The following NXPE2 variants were observed in gnomAD, a reference collection of about 807,000 sequenced individuals.
NXPE2 encodes neurexophilin and PC-esterase domain family member 2.
A neutral mutation model predicts 34.4 loss-of-function variants in NXPE2; 34 were observed. The observed-to-expected ratio is 0.99, with a 90% CI of 0.75 to 1.31. The LOEUF is 1.31. Among genes scored for constraint, NXPE2 ranks in the 40% most tolerant of loss-of-function variants. The pLI is 0.00. For synonymous variants in NXPE2, 235 were observed against 231.3 expected, an observed-to-expected ratio of 1.02 and a Z score of -0.15; for missense variants, 649 against 672.5, an observed-to-expected ratio of 0.97 and a Z score of 0.39.
the NXPE2 span, among the ~76,000 whole-genome samples, chr11:114,746,309 G>A: frequency 1.6e-4 from 24 of 152,186 alleles, no homozygotes; most frequent in East Asian, 4.6e-3. Flanking sequence ...ATTTCTGTCA[G>A]CTGAGCCAGG....
the NXPE2 span, among the ~76,000 whole-genome samples, chr11:114,808,298 G>A: frequency 1.6e-4 from 25 of 151,698 alleles, no homozygotes; most frequent in African/African-American, 5.3e-4. Context: ...AAAAGCAAGA[G>A]CAAACACATT....
the NXPE2 span, chr11:114,584,503 A>T: frequency 5.5e-6 from 1 of 181,338 alleles, no homozygotes; most frequent in Non-Finnish European, 1.2e-5. Context: ...ATTACCTGTG[A>T]GGAAGAGTTC....
the NXPE2 span, among the ~76,000 whole-genome samples, chr11:114,722,710 A>C: frequency 6.6e-6 from 1 of 152,194 alleles, no homozygotes; most frequent in Non-Finnish European, 1.5e-5. Flanking sequence ...GCATATGAGC[A>C]CTGCTATCCT....
At chr11:114,580,053 C>A in the NXPE2 span, 1 of 1,211,182 alleles carries the variant, frequency 8.3e-7, no homozygotes. Context: ...AGAGGAATTT[C>A]CCATATTCCC....
At position 114,698,499 on chromosome 11, in the gene NXPE2, C is replaced by G. The variant is rs750433667; in HGVS notation, c.587C>G (p.Pro196Arg). 4.3e-6 allele frequency: 7 copies of G among 1,614,102 alleles called. No homozygotes were observed. The Admixed American group carries it at 1.2e-4, about 27-fold the overall frequency. The change falls in exon 3 of 6, where the codon CCC becomes CGC. Residue 196 changes from proline to arginine, a missense_variant. Pro to Arg is a moderately radical substitution (Grantham distance 103). Coordinates refer to ENST00000389586, the MANE Select transcript of NXPE2 (RefSeq NM_182495.6). ...TCCCTGTCTCTGCTGCTCATCCACC[C>G]CAGTGAAGGGGTATCAGCTCTCTGG... ...QVSLSLLLIH[P>R]SEGVSALWRA...
the NXPE2 span, among the ~76,000 whole-genome samples, chr11:114,785,505 A>G: frequency 1.3e-5 from 2 of 152,164 alleles, no homozygotes; most frequent in Admixed American, 1.3e-4. Flanking sequence ...GGCTCAGTTA[A>G]TTAATATATT....
At chr11:114,717,885 T>G in the NXPE2 span, among the ~76,000 whole-genome samples, 1 of 152,154 alleles carries the variant, frequency 6.6e-6, no homozygotes, top group African/African-American at 2.4e-5. Context: ...GTTTGAGGTC[T>G]GAGAGAGTTG....
At chr11:114,799,542 AGATTCCAAATCAAGACAAAGC>A in the NXPE2 span, among the ~76,000 whole-genome samples, 1 of 152,206 alleles carries the variant, frequency 6.6e-6, no homozygotes, top group Non-Finnish European at 1.5e-5. Context: ...GGAAACAGAG[AGATTCCAAATCAAGACAAAGC>A]AGCAGTCAGC....
chr11:114,615,536 C>A, the NXPE2 span, among the ~76,000 whole-genome samples: 1 of 151,830 alleles, frequency 6.6e-6, no homozygotes, highest in African/African-American at 2.4e-5. Flanking sequence ...ACCACTGTTA[C>A]CCGGTGGATA....
the NXPE2 span, among the ~76,000 whole-genome samples, chr11:114,742,342 T>C: frequency 2.0e-4 from 30 of 152,260 alleles, no homozygotes; most frequent in African/African-American, 7.2e-4. Context: ...ATGGAATGGT[T>C]AGCAAGGTCT....
At chr11:114,811,633 C>A in the NXPE2 span, among the ~76,000 whole-genome samples, 3 of 152,302 alleles carry the variant, frequency 2.0e-5, no homozygotes, top group South Asian at 4.1e-4. Context: ...GGACTCCAGC[C>A]TCCACACTGG....
chr11:114,638,761 A>G, the NXPE2 span, among the ~76,000 whole-genome samples: 1 of 151,950 alleles, frequency 6.6e-6, no homozygotes, highest in African/African-American at 2.4e-5. Context: ...TAACAGCAGC[A>G]GTGTCTGCAG....
At chr11:114,501,083 TAGGGCCATGTC>T in the NXPE2 span, among the ~76,000 whole-genome samples, 2 of 152,236 alleles carry the variant, frequency 1.3e-5, no homozygotes, top group African/African-American at 4.8e-5. Flanking sequence ...ACCATTATTT[TAGGGCCATGTC>T]AGCAATGACG....
chr11:114,501,419 G>A, the NXPE2 span, among the ~76,000 whole-genome samples: 1 of 152,168 alleles, frequency 6.6e-6, no homozygotes, highest in Non-Finnish European at 1.5e-5. Flanking sequence ...GAAAGGGGAA[G>A]AGATAATTAG....
At chr11:114,558,046 C>T in the NXPE2 span, among the ~76,000 whole-genome samples, 1 of 152,048 alleles carries the variant, frequency 6.6e-6, no homozygotes, top group African/African-American at 2.4e-5. Context: ...CTCACTGCCC[C>T]AGTTGCTCTC....
At chr11:114,657,635 T>A in the NXPE2 span, among the ~76,000 whole-genome samples, 7 of 152,174 alleles carry the variant, frequency 4.6e-5, no homozygotes, top group Non-Finnish European at 8.8e-5. Flanking sequence ...GAAACTGTAA[T>A]TTAATATGAT....
the NXPE2 span, among the ~76,000 whole-genome samples, chr11:114,602,047 TTA>T: frequency 5.5e-5 from 5 of 91,282 alleles, no homozygotes; most frequent in Admixed American, 2.0e-4. Context: ...ATAATATATA[TTA>T]TATTATATAT....
At chr11:114,670,722 A>AAAC in the NXPE2 span, among the ~76,000 whole-genome samples, 1 of 151,908 alleles carries the variant, frequency 6.6e-6, no homozygotes, top group African/African-American at 2.4e-5. Flanking sequence ...TAAAACAAGC[A>AAAC]AACAACAACA....
At chr11:114,613,758 T>C in the NXPE2 span, among the ~76,000 whole-genome samples, 1 of 151,856 alleles carries the variant, frequency 6.6e-6, no homozygotes, top group Admixed American at 6.6e-5. Context: ...ACCCGGTGGA[T>C]AATAAGTGTT....
Sources: gnomAD v4.1 joint callset for allele counts (sites outside exome capture counted in the v4.1 genomes callset) on GRCh38, gnomAD v4.1.1 for gene constraint, MANE v1.5 for transcripts, NCBI Gene and HGNC (gene_info 2026-07-23, HGNC 2026-07-21) for gene names.